Variants in PIAS1 observed in about 807,000 individuals in gnomAD.
PIAS1 encodes protein inhibitor of activated STAT 1.
A neutral mutation model predicts 71.3 loss-of-function variants in PIAS1; 6 were observed. That is an observed-to-expected ratio of 0.08 (90% CI 0.05 to 0.17). The LOEUF is 0.17. Among genes scored for constraint, PIAS1 ranks in the 10% least tolerant of loss-of-function variants. PIAS1 has a pLI of 1.00. For synonymous variants in PIAS1, 303 were observed against 292.9 expected, an observed-to-expected ratio of 1.03 and a Z score of -0.35; for missense variants, 555 against 793.6, an observed-to-expected ratio of 0.70 and a Z score of 3.61.
chr15:68,129,042 CTT>C (rs1398196023), intron 2 of PIAS1, among the ~76,000 whole-genome samples: 2 of 151,990 alleles, frequency 1.3e-5, no homozygotes, highest in African/African-American at 2.4e-5. Flanking sequence ...AACTTTGTAA[CTT>C]ATAAATATTA....
chr15:68,142,214 G>A (rs979572055), intron 3 of PIAS1, 76 bp from the exon 4 acceptor site: 65 of 1,262,090 alleles, frequency 5.2e-5, no homozygotes, highest in East Asian at 1.2e-4. Flanking sequence ...AACTTTTCTG[G>A]AGTAACAAGG....
rs1268753359 is a variant in PIAS1, at chr15:68,193,191, C to A, written c.*5356C>A. 6.6e-6 allele frequency: 1 copy of A among 152,342 alleles called. No homozygotes were observed. Among genetic ancestry groups the A allele is most frequent in the African/African-American group, 2.4e-5 (1 of 41,450 alleles). The allele number at this position is 152,342 out of a possible 1,614,324, so 9.4% of individuals were successfully genotyped here. On this transcript the variant is annotated 3_prime_UTR_variant, in exon 14 of 14. Transcript: ENST00000249636. ...GAACCTCTCTGCCTGTTAACAGAGC[C>A]CAGGGAACAGCTCGGAATTCTCACA...
intron 2 of PIAS1, among the ~76,000 whole-genome samples, chr15:68,099,507 G>A (rs1222598402): frequency 1.3e-5 from 2 of 151,626 alleles, no homozygotes; most frequent in Non-Finnish European, 1.5e-5. Context: ...CTAACTATTC[G>A]AATTATTTAA....
At chr15:68,113,000 A>G (rs1235354655) in intron 2 of PIAS1, among the ~76,000 whole-genome samples, 2 of 152,218 alleles carry the variant, frequency 1.3e-5, no homozygotes, top group African/African-American at 2.4e-5. Flanking sequence ...TGCTACATCT[A>G]TATGGTAGAA....
intron 2 of PIAS1, among the ~76,000 whole-genome samples, chr15:68,141,158 C>T (rs1028139927): frequency 6.6e-6 from 1 of 152,072 alleles, no homozygotes; most frequent in Non-Finnish European, 1.5e-5. Flanking sequence ...ATAATGGTGC[C>T]ACTGTACTCC....
At chr15:68,124,497 G>A (rs973331229) in intron 2 of PIAS1, among the ~76,000 whole-genome samples, 2 of 151,690 alleles carry the variant, frequency 1.3e-5, no homozygotes, top group Admixed American at 6.6e-5. Context: ...CGAGGCTGGC[G>A]GATCACTTAA....
At chr15:68,164,465 T>G (rs1195688216) in intron 7 of PIAS1, among the ~76,000 whole-genome samples, 1 of 152,162 alleles carries the variant, frequency 6.6e-6, no homozygotes, top group Non-Finnish European at 1.5e-5. Flanking sequence ...TAGAGAAATT[T>G]CTCTCATATT....
rs1458645090 is a variant in PIAS1, at chr15:68,054,430, C to T, written c.24+80C>T. On this transcript the variant is annotated intron_variant, in intron 1 of 13. Coordinates refer to ENST00000249636, the MANE Select transcript of PIAS1 (RefSeq NM_016166.3). This position sits in a 1 kb window ranked among gnomAD's most constrained non-coding sequence, Gnocchi z 4.6. ...GCTGCCAGGGGGGATGGGTCCGACC[C>T]TGGGGGGCCTCTCGGGCCTGACTCC... 18 of 1,450,682 alleles carry T rather than the reference C, an allele frequency of 1.2e-5. No individual in the cohort carries two copies. Among genetic ancestry groups the T allele is most frequent in the Non-Finnish European group, 1.7e-5 (18 of 1,059,290 alleles). 89.9% of individuals were successfully genotyped at this position (1,450,682 alleles called of 1,614,324 possible).
intron 12 of PIAS1, among the ~76,000 whole-genome samples, chr15:68,182,566 A>G (rs1451489014): frequency 6.6e-6 from 1 of 150,812 alleles, no homozygotes. Flanking sequence ...CGCGACAGGC[A>G]TGTGCCACCA....
At chr15:68,131,467 A>C (rs117012359) in intron 2 of PIAS1, among the ~76,000 whole-genome samples, 1 of 91,980 alleles carries the variant, frequency 1.1e-5, no homozygotes, top group African/African-American at 4.4e-5. Context: ...TGTGTTGTGC[A>C]ATAAGATCTT....
intron 2 of PIAS1, among the ~76,000 whole-genome samples, chr15:68,090,927 GGTGTGTGTGTGTGT>G (rs10667510): frequency 4.2e-5 from 6 of 142,762 alleles, no homozygotes; most frequent in Admixed American, 7.0e-5. Context: ...GTCATTTACG[GGTGTGTGTGTGTGT>G]GTGTGTGTGT....
Position 68,161,936 on chromosome 15 carries a change from A to AT in PIAS1, c.935-2786dup, listed in dbSNP as rs992894833. Among the ~76,000 whole-genome samples, 26 of 150,544 alleles carry AT rather than the reference A, an allele frequency of 1.7e-4. 1 individual carries two copies. Among genetic ancestry groups the AT allele is most frequent in the Non-Finnish European group, 1.6e-4 (11 of 67,580 alleles). ...AGAGTGAGACTCTGTCTCAAAAAAA[A>AT]TTTTTTTTTCTTGTCGTTGTTGAGA... is the stretch of plus-strand genomic sequence containing the variant. On this transcript the variant is annotated intron_variant, in intron 7 of 13. Coordinates refer to ENST00000249636, the MANE Select transcript of PIAS1 (RefSeq NM_016166.3).
intron 2 of PIAS1, among the ~76,000 whole-genome samples, chr15:68,101,018 C>T (rs1468792547): frequency 6.6e-6 from 1 of 151,972 alleles, no homozygotes; most frequent in East Asian, 1.9e-4. Context: ...GCCTCTCAAG[C>T]CTCCCAGGTA....
At chr15:68,156,294 G>A (rs535561944) in intron 7 of PIAS1, among the ~76,000 whole-genome samples, 2 of 152,318 alleles carry the variant, frequency 1.3e-5, no homozygotes, top group Non-Finnish European at 2.9e-5. Context: ...ATAGGGGAAC[G>A]TAGTCCTCTC....
intron 2 of PIAS1, among the ~76,000 whole-genome samples, chr15:68,122,656 GA>G (rs2092621743): frequency 6.6e-6 from 1 of 152,058 alleles, no homozygotes; most frequent in Admixed American, 6.6e-5. Flanking sequence ...TTTATAGGAA[GA>G]AAATGAAATG....
chr15:68,157,037 T>C (rs778268854), intron 7 of PIAS1, among the ~76,000 whole-genome samples: 7 of 152,156 alleles, frequency 4.6e-5, no homozygotes, highest in Non-Finnish European at 8.8e-5. Context: ...TGAAATGGCA[T>C]TGACTGTGTG....
At chr15:68,139,682 G>T (rs1347309061) in intron 2 of PIAS1, among the ~76,000 whole-genome samples, 2 of 152,016 alleles carry the variant, frequency 1.3e-5, no homozygotes, top group African/African-American at 4.8e-5. Context: ...AGTTTAAAAA[G>T]ATTAAGATTT....
chr15:68,086,869 A>G lies in PIAS1; in HGVS notation c.469+119A>G, dbSNP rs986108971. 6.6e-6 allele frequency: 4 copies of G among 602,888 alleles called. No individual in the cohort carries two copies. Among genetic ancestry groups the G allele is most frequent in the Non-Finnish European group, 1.2e-5 (4 of 343,396 alleles). The allele number at this position is 602,888 out of a possible 1,614,324, so 37.3% of individuals were successfully genotyped here. On this transcript the variant is annotated intron_variant, in intron 2 of 13. Coordinates refer to ENST00000249636, the MANE Select transcript of PIAS1 (RefSeq NM_016166.3). The surrounding 1 kb of genome is among the most constrained non-coding windows in gnomAD (Gnocchi z 7.2). ...ATTTTCATTTGATAGTAACAGCTGG[A>G]TAATAATGAAGATCTTTCAAATTTA...
chr15:68,143,495 G>A (rs991833551), intron 4 of PIAS1, among the ~76,000 whole-genome samples: 5 of 152,062 alleles, frequency 3.3e-5, no homozygotes, highest in Non-Finnish European at 5.9e-5. Flanking sequence ...CAGTATGACA[G>A]GACCTTACTG....
Sources: allele counts gnomAD v4.1 joint callset (sites outside exome capture counted in the v4.1 genomes callset), GRCh38; gene constraint gnomAD v4.1.1; non-coding constraint Gnocchi (gnomAD v3.1); transcripts MANE v1.5; gene names NCBI Gene and HGNC (gene_info 2026-07-23, HGNC 2026-07-21).